Variants in PON2 observed in about 807,000 individuals in gnomAD.
The protein encoded by PON2 is serum paraoxonase/arylesterase 2.
In PON2, 27 loss-of-function variants were observed where a neutral mutation model predicts 36.6. The observed-to-expected ratio is 0.74, with a 90% confidence interval of 0.54 to 1.02. The LOEUF is 1.02. PON2 is among the 50% of genes least tolerant of loss of function. The probability of loss-of-function intolerance (pLI) is 0.00; values close to 1 mark genes in which losing one functional copy is unlikely to be tolerated. For missense variants in PON2, 363 were observed against 421.1 expected (o/e 0.86, Z 1.21); for synonymous variants, 149 against 156.3 (o/e 0.95, Z 0.35).
In PON2 at chr7:95,405,229, A is replaced by G; in HGVS notation, c.*101T>C. Reference sequence around the variant, plus strand: ...TGGAATAAAATTAACTACACATGCCATACATTTCTGGGTCAATGTTGCTGG... The same window carrying G: ...TGGAATAAAATTAACTACACATGCCGTACATTTCTGGGTCAATGTTGCTGG... On this transcript the variant is annotated 3_prime_UTR_variant, in exon 9 of 9. Coordinates refer to ENST00000222572, the MANE Select transcript of PON2 (RefSeq NM_000305.3). The G allele has an allele frequency of 7.8e-7, 1 of 1,285,014 alleles. No homozygotes were observed. The allele number at this position is 1,285,014 out of a possible 1,614,324, so 79.6% of individuals were successfully genotyped here. A position where few individuals can be genotyped will look rare whatever the true frequency, so the allele number is the denominator to read the frequency against.
chr7:95,410,025 TTAAG>T lies in PON2; in HGVS notation c.567_570del (p.Phe189LeufsTer4). 1 of 1,613,756 alleles carries T rather than the reference TTAAG, an allele frequency of 6.2e-7. No homozygotes were observed. The highest frequency in any genetic ancestry group is 8.5e-7 in the Non-Finnish European group (1 of 1,179,798). On this transcript the variant is annotated frameshift_variant, in exon 6 of 9. Coordinates refer to ENST00000222572, the MANE Select transcript of PON2 (RefSeq NM_000305.3). LOFTEE classifies it high-confidence loss of function. ...AAGTTCAAGTATGTTTCTAAATACT[TTAAG>T]AAAGGATCAGAGAAGTAGTGGTCAT...
intron 6 of PON2, chr7:95,409,415 T>C (rs1809803602): frequency 6.6e-6 from 1 of 152,022 alleles, no homozygotes; most frequent in East Asian, 1.9e-4. Flanking sequence ...ATATTTTTTA[T>C]GTAGAACTCC....
intron 6 of PON2, among the ~76,000 whole-genome samples, chr7:95,409,345 G>A (rs939314327): frequency 1.3e-5 from 2 of 151,566 alleles, no homozygotes; most frequent in Non-Finnish European, 2.9e-5. Flanking sequence ...CACTCTCCTA[G>A]GGACTTTTTC....
intron 2 of PON2, among the ~76,000 whole-genome samples, chr7:95,418,679 CT>C (rs975526587): frequency 1.3e-5 from 2 of 152,066 alleles, no homozygotes; most frequent in African/African-American, 4.8e-5. Flanking sequence ...TAAATCTTTA[CT>C]TTTTTTATTC....
rs1809638999 is a variant in PON2, at chr7:95,405,010, T to C, written c.*320A>G. ...TGAGGTCACTCACATTTTAAGGAAATATAATTCACTCTATTTCAGTGGAAT... is the reference window on the plus strand; with the variant it reads ...TGAGGTCACTCACATTTTAAGGAAACATAATTCACTCTATTTCAGTGGAAT... On this transcript the variant is annotated 3_prime_UTR_variant, in exon 9 of 9. Transcript: ENST00000222572. 3.5e-6 allele frequency: 1 copy of C among 283,512 alleles called. No homozygotes were observed. The highest frequency in any genetic ancestry group is 2.2e-5 in the African/African-American group (1 of 46,320). 17.6% of individuals were successfully genotyped at this position (283,512 alleles called of 1,614,324 possible).
chr7:95,406,896 A>G, intron 7 of PON2, 91 bp downstream of exon 7: 1 of 757,386 alleles, frequency 1.3e-6, no homozygotes, highest in Non-Finnish European at 2.2e-6. Flanking sequence ...TGGCATCCAT[A>G]TTTTGTTCTA....
Position 95,409,240 on chromosome 7 carries a change from A to G in PON2, c.695+661T>C, listed in dbSNP as rs17876153. Among the ~76,000 whole-genome samples the G allele has an allele frequency of 4.3e-3, 649 of 152,158 alleles. 7 individuals are homozygous for G. Among genetic ancestry groups the G allele is most frequent in the African/African-American group, 0.015 (607 of 41,506 alleles). On this transcript the variant is annotated intron_variant, in intron 6 of 8. Coordinates refer to ENST00000222572, the MANE Select transcript of PON2 (RefSeq NM_000305.3). ...GGCAGGAGAATCACTTGAACCCAGGAGGCGGAGGTTGAGGTGAGCTGAGAT... is the reference window on the plus strand; with the variant it reads ...GGCAGGAGAATCACTTGAACCCAGGGGGCGGAGGTTGAGGTGAGCTGAGAT...
At chr7:95,420,132 TCA>T (rs3831552) in intron 2 of PON2, among the ~76,000 whole-genome samples, 29,013 of 152,080 alleles carry the variant, frequency 0.19, 3,860 homozygotes, top group East Asian at 0.62. Flanking sequence ...TATCTATATC[TCA>T]CAGTGGTTTT....
At chr7:95,414,116 G>A (rs1367289795) in intron 3 of PON2, among the ~76,000 whole-genome samples, 1 of 152,008 alleles carries the variant, frequency 6.6e-6, no homozygotes, top group East Asian at 1.9e-4. Context: ...ACAGTTCAGT[G>A]GTGTTAAGCA....
Position 95,406,213 on chromosome 7 carries a change from GATAAATT to G in PON2, c.805_811del (p.Asn269LeufsTer11). The G allele has an allele frequency of 6.2e-7, 1 of 1,611,892 alleles. No individual in the cohort carries two copies. The highest frequency in any genetic ancestry group is 8.5e-7 in the Non-Finnish European group (1 of 1,178,018). On this transcript the variant is annotated frameshift_variant, in exon 8 of 9. Transcript: ENST00000222572. LOFTEE classifies it high-confidence loss of function. Reference sequence around the variant, plus strand: ...GATGTCCCCCGAGGAAGGATCAATAGATAAATTATCCACCAGTGTATCCAGCTCAAGT... The same window carrying G: ...GATGTCCCCCGAGGAAGGATCAATAGATCCACCAGTGTATCCAGCTCAAGT...
At chr7:95,406,271 A>C in intron 7 of PON2, 24 bp from the exon 8 acceptor site, 1 of 1,600,570 alleles carries the variant, frequency 6.2e-7, no homozygotes, top group Non-Finnish European at 8.6e-7. Flanking sequence ...AATTGTCAAA[A>C]TCTAAATGAC....
chr7:95,421,849 G>A (rs1265266806), intron 2 of PON2, among the ~76,000 whole-genome samples: 1 of 152,350 alleles, frequency 6.6e-6, no homozygotes, highest in East Asian at 1.9e-4. Context: ...GGTATTTGTA[G>A]AGAAACTCTG....
rs1436077938 is a variant in PON2 at position 95,410,854 on chromosome 7, C to T, written c.495-753G>A. On this transcript the variant is annotated intron_variant, in intron 5 of 8. Transcript: ENST00000222572. ...GGTAGGTCTCATTTTTCTGAAAGAG[C>T]ACCATAATGCTTGGATGGTATTTAT... 3.9e-5 allele frequency among the ~76,000 whole-genome samples: 6 copies of T among 152,162 alleles called. No individual in the cohort carries two copies. In the East Asian group the frequency reaches 1.2e-3, roughly 29 times the overall value.
intron 2 of PON2, among the ~76,000 whole-genome samples, chr7:95,419,937 G>A (rs1016975850): frequency 5.9e-5 from 9 of 152,070 alleles, no homozygotes; most frequent in East Asian, 1.9e-4. Flanking sequence ...TAACAGCAAC[G>A]CATCCTTTAC....
intron 1 of PON2, among the ~76,000 whole-genome samples, chr7:95,427,022 G>A (rs929553790): frequency 6.6e-6 from 1 of 152,100 alleles, no homozygotes; most frequent in Admixed American, 6.5e-5. Flanking sequence ...GCTAAATAGG[G>A]CAATCTTCAT....
At chr7:95,417,293 A>G (rs1789083909) in intron 2 of PON2, among the ~76,000 whole-genome samples, 1 of 152,132 alleles carries the variant, frequency 6.6e-6, no homozygotes, top group Non-Finnish European at 1.5e-5. Flanking sequence ...GTGCAGAAAA[A>G]CAAAACAAAA....
chr7:95,426,549 T>G (rs777099588), intron 1 of PON2, among the ~76,000 whole-genome samples: 1 of 152,224 alleles, frequency 6.6e-6, no homozygotes, highest in Non-Finnish European at 1.5e-5. Context: ...AGGGAAGCTT[T>G]TGCTTTAAAC....
chr7:95,424,498 C>A lies in PON2; in HGVS notation c.145+17G>T. ...CAAAAAATGCAATGTGCCCAACAAG[C>A]ATTTTCATATACATACCAATTCCTT... On this transcript the variant is annotated intron_variant, in intron 2 of 8. Coordinates refer to ENST00000222572, the MANE Select transcript of PON2 (RefSeq NM_000305.3). The A allele has an allele frequency of 6.2e-7, 1 of 1,603,530 alleles. No individual in the cohort carries two copies.
intron 8 of PON2, 67 bp downstream of exon 8, chr7:95,406,052 A>G (rs1010342008): frequency 5.8e-5 from 87 of 1,507,588 alleles, no homozygotes; most frequent in African/African-American, 1.1e-4. Context: ...TCCCTGTGAC[A>G]ATTTATTGTA....
Sources: allele counts gnomAD v4.1 joint callset (sites outside exome capture counted in the v4.1 genomes callset), GRCh38; gene constraint gnomAD v4.1.1; transcripts MANE v1.5; gene names NCBI Gene and HGNC (gene_info 2026-07-23, HGNC 2026-07-21).